The following RCL1 variants were observed in gnomAD, a reference collection of about 807,000 sequenced individuals.
The protein encoded by RCL1 is RNA 3'-terminal phosphate cyclase-like protein.
Under a neutral mutation model 42.4 loss-of-function variants are expected in RCL1, and 24 were observed. The observed-to-expected ratio is 0.57, with a 90% CI of 0.41 to 0.80. The LOEUF (loss-of-function observed/expected upper bound fraction) is 0.80. Among genes scored for constraint, RCL1 ranks in the 30% least tolerant of loss-of-function variants. The pLI is 0.00. For synonymous variants in RCL1, 228 were observed against 177.3 expected (o/e 1.29, Z -2.27); for missense variants, 578 against 467.9 (o/e 1.24, Z -2.17).
chr9:4,834,389 T>C (rs538540542), intron 5 of RCL1, 124 bp downstream of exon 5: 3 of 1,163,162 alleles, frequency 2.6e-6, no homozygotes, highest in Non-Finnish European at 3.5e-6. Context: ...CTTTGAAAAG[T>C]CTTAACAGTG....
chr9:4,827,812 G>C (rs910631938), intron 3 of RCL1, among the ~76,000 whole-genome samples: 1 of 151,200 alleles, frequency 6.6e-6, no homozygotes, highest in African/African-American at 2.4e-5. Context: ...GTCTAGAGAA[G>C]TCCTGTCCAG....
intron 6 of RCL1, 72 bp downstream of exon 6, chr9:4,841,429 GC>G: frequency 7.9e-7 from 1 of 1,262,102 alleles, no homozygotes; most frequent in Non-Finnish European, 1.1e-6. Context: ...AGTTAAAACT[GC>G]CAGCTCTGAG....
intron 3 of RCL1, among the ~76,000 whole-genome samples, chr9:4,832,567 T>G (rs1014603840): frequency 6.6e-6 from 1 of 151,844 alleles, no homozygotes; most frequent in African/African-American, 2.4e-5. Context: ...TCCCAGCACT[T>G]TGGGAGGCTG....
intron 1 of RCL1, among the ~76,000 whole-genome samples, chr9:4,821,249 C>A (rs1417748995): frequency 1.3e-5 from 2 of 151,960 alleles, no homozygotes; most frequent in Non-Finnish European, 2.9e-5. Context: ...ATAGTGAGAT[C>A]CTATTTCTTA....
At chr9:4,859,015 A>G (rs57051545) in intron 8 of RCL1, among the ~76,000 whole-genome samples, 11,294 of 152,246 alleles carry the variant, frequency 0.074, 1,238 homozygotes, top group African/African-American at 0.24. Context: ...GGGCTCTTCC[A>G]TATGGACATT....
chr9:4,851,982 C>T (rs917163051), intron 8 of RCL1, among the ~76,000 whole-genome samples: 18 of 149,844 alleles, frequency 1.2e-4, no homozygotes, highest in Non-Finnish European at 1.6e-4. Flanking sequence ...CCGGGTTCAA[C>T]GCCATTCTCC....
At chr9:4,818,416 C>G (rs527781229) in intron 1 of RCL1, among the ~76,000 whole-genome samples, 1 of 152,030 alleles carries the variant, frequency 6.6e-6, no homozygotes, top group East Asian at 1.9e-4. Flanking sequence ...TAATAATGCA[C>G]ATATAGAAAT....
intron 5 of RCL1, among the ~76,000 whole-genome samples, chr9:4,838,912 A>T (rs533461939): frequency 1.3e-5 from 2 of 152,230 alleles, no homozygotes; most frequent in Non-Finnish European, 2.9e-5. Flanking sequence ...TTGGGCTCCT[A>T]CTACACACTA....
At chr9:4,806,215 T>C (rs1001865298) in intron 1 of RCL1, among the ~76,000 whole-genome samples, 13 of 152,134 alleles carry the variant, frequency 8.5e-5, no homozygotes, top group Non-Finnish European at 1.8e-4. Context: ...ATTTTTGATA[T>C]GTACGCCTTT....
intron 7 of RCL1, among the ~76,000 whole-genome samples, chr9:4,847,858 C>G (rs1341460013): frequency 6.6e-6 from 1 of 152,196 alleles, no homozygotes; most frequent in Admixed American, 6.5e-5. Context: ...TTATTTTTCC[C>G]CATCATTCTG....
chr9:4,819,737 G>C (rs939970902), intron 1 of RCL1, among the ~76,000 whole-genome samples: 1 of 152,216 alleles, frequency 6.6e-6, no homozygotes, highest in Non-Finnish European at 1.5e-5. Flanking sequence ...AACCCGGGAG[G>C]CGGAGGTTGC....
chr9:4,817,748 C>T (rs1337539933), intron 1 of RCL1, among the ~76,000 whole-genome samples: 1 of 152,008 alleles, frequency 6.6e-6, no homozygotes, highest in Non-Finnish European at 1.5e-5. Context: ...TTGCCTGCCT[C>T]AGCCTCCCAA....
intron 6 of RCL1, among the ~76,000 whole-genome samples, chr9:4,842,222 A>G (rs207470074): frequency 2.0e-5 from 3 of 152,204 alleles, no homozygotes; most frequent in African/African-American, 4.8e-5. Flanking sequence ...TAAGAATATT[A>G]GAGTCTGGGG....
intron 5 of RCL1, among the ~76,000 whole-genome samples, chr9:4,835,981 G>A: frequency 6.6e-6 from 1 of 152,170 alleles, no homozygotes; most frequent in Admixed American, 6.5e-5. Context: ...TGAGTGGAAG[G>A]GGGTTGGGAT....
In RCL1 at chr9:4,829,693, A is replaced by G. The variant is rs1214135766; in HGVS notation, c.384+2660A>G. On this transcript the variant is annotated intron_variant, in intron 3 of 8. Coordinates refer to ENST00000381750, the MANE Select transcript of RCL1 (RefSeq NM_005772.5). The stretch of plus-strand genomic sequence containing the variant: ...CACGTGTTTTTCCTTTGACATGTAC[A>G]GTGTGGCAGTGGTGGCGGTGGTGGT... Among the ~76,000 whole-genome samples, 6 of 152,084 alleles carry G rather than the reference A, an allele frequency of 3.9e-5. No homozygotes were observed. In the South Asian group the frequency reaches 8.3e-4, roughly 21 times the overall value.
intron 1 of RCL1, among the ~76,000 whole-genome samples, chr9:4,817,939 A>G (rs1157103818): frequency 1.2e-4 from 3 of 24,070 alleles, no homozygotes; most frequent in African/African-American, 1.9e-4. Flanking sequence ...TTTTTTTTTG[A>G]GACAGAATTT....
intron 1 of RCL1, among the ~76,000 whole-genome samples, chr9:4,815,728 G>A (rs748952755): frequency 6.6e-6 from 1 of 152,082 alleles, no homozygotes; most frequent in Non-Finnish European, 1.5e-5. Context: ...AGGCCACAGG[G>A]AGCTGGGCAC....
intron 1 of RCL1, among the ~76,000 whole-genome samples, chr9:4,822,502 C>G (rs935620276): frequency 6.6e-6 from 1 of 152,200 alleles, no homozygotes; most frequent in Admixed American, 6.5e-5. Context: ...TTCCTCTCCC[C>G]CTCTCTTTCT....
chr9:4,805,366 G>A (rs1815886505), intron 1 of RCL1, among the ~76,000 whole-genome samples: 1 of 151,194 alleles, frequency 6.6e-6, no homozygotes, highest in Non-Finnish European at 1.5e-5. Context: ...TCTAGCCTGG[G>A]TCTTCCAGCC....
Sources: allele counts gnomAD v4.1 joint callset (sites outside exome capture counted in the v4.1 genomes callset), GRCh38; gene constraint gnomAD v4.1.1; transcripts MANE v1.5; gene names NCBI Gene and HGNC (gene_info 2026-07-23, HGNC 2026-07-21).